The following USP9X variants were observed in gnomAD, a reference collection of about 807,000 sequenced individuals.
USP9X encodes the protein ubiquitin carboxyl-terminal hydrolase 9X.
A neutral mutation model predicts 190.3 loss-of-function variants in USP9X; 7 were observed. The observed-to-expected ratio is 0.04, with a 90% CI of 0.02 to 0.07. USP9X has a LOEUF of 0.07. Ranked by LOEUF, USP9X falls within the 10% of genes least tolerant of loss-of-function variation. The probability of loss-of-function intolerance (pLI) is 1.00; values close to 1 mark genes in which losing one functional copy is unlikely to be tolerated. For synonymous variants in USP9X, 645 were observed against 659.5 expected (o/e 0.98, Z 0.34); for missense variants, 1,010 against 1,916.9 (o/e 0.53, Z 8.83).
rs1050486848 is a variant in USP9X, at chrX:41,195,766, G to A, written c.3978-485G>A. 4 of 259,495 alleles carry A rather than the reference G, an allele frequency of 1.5e-5. No homozygotes were observed. The Admixed American group carries it at 2.0e-4, about 13-fold the overall frequency. The allele number at this position is 259,495 out of a possible 1,213,427, so 21.4% of individuals were successfully genotyped here. ...CACCGCTGATCTGACAGGAGGCGGA[G>A]CTCAGGCCATAATGCTCATTTGGCC... On this transcript the variant is annotated intron_variant, in intron 26 of 44. Coordinates refer to ENST00000378308, the MANE Select transcript of USP9X (RefSeq NM_001039591.3).
In USP9X at chrX:41,216,141, A is replaced by G; in HGVS notation, c.5574A>G (p.Ala1858=). The change falls in exon 35 of 45, where the codon GCA becomes GCG. Residue 1858 remains alanine, a synonymous_variant. Transcript: ENST00000378308. ...GTGAGCAGTCTGAAAGTGAGACAGCAGGAAGCACAAAATACAGACTTGTGG... is the reference window on the plus strand; with the variant it reads ...GTGAGCAGTCTGAAAGTGAGACAGCGGGAAGCACAAAATACAGACTTGTGG... ...QQSEQSESET[A]GSTKYRLVGV... The G allele has an allele frequency of 8.3e-7, 1 of 1,211,911 alleles. No homozygotes were observed. Among genetic ancestry groups the G allele is most frequent in the East Asian group, 3.0e-5 (1 of 33,879 alleles).
rs1223970926 is a variant in USP9X at position 41,136,457 on chromosome X, C to G, written c.436-347C>G. Among the ~76,000 whole-genome samples, 3 of 112,708 alleles carry G rather than the reference C, an allele frequency of 2.7e-5. No homozygotes were observed. In the South Asian group the frequency reaches 1.1e-3, roughly 41 times the overall value. ...ATTAACAGGCGTGAGCCACTGTGCT[C>G]AGCCTGACATACTGTTTAGACTCTA... On this transcript the variant is annotated intron_variant, in intron 5 of 44. Transcript: ENST00000378308.
At position 41,223,506 on chromosome X, in the gene USP9X, C is replaced by T. The variant is rs1021591528; in HGVS notation, c.6751+104C>T. 58 of 865,205 alleles carry T rather than the reference C, an allele frequency of 6.7e-5. No individual in the cohort carries two copies. The Admixed American group carries it at 8.1e-4, about 12-fold the overall frequency. The allele number at this position is 865,205 out of a possible 1,213,427, so 71.3% of individuals were successfully genotyped here. A position where few individuals can be genotyped will look rare whatever the true frequency, so the allele number is the denominator to read the frequency against. On this transcript the variant is annotated intron_variant, in intron 39 of 44. Transcript: ENST00000378308. ...AGGCTGGAGTGCAATGGCGTGATCT[C>T]GGCTCACTGTAACCTCCGCCTCCCT...
At chrX:41,192,159 A>C (rs917642025) in intron 26 of USP9X, among the ~76,000 whole-genome samples, 1 of 112,251 alleles carries the variant, frequency 8.9e-6, no homozygotes, top group Admixed American at 9.5e-5. Flanking sequence ...TTTCCTGCTT[A>C]AAATCTTTCC....
intron 1 of USP9X, among the ~76,000 whole-genome samples, chrX:41,099,690 A>G (rs1302490158): frequency 1.8e-5 from 2 of 111,938 alleles, no homozygotes; most frequent in Non-Finnish European, 3.8e-5. Flanking sequence ...ATTTTCTGAA[A>G]TGAGGCTTTT....
At chrX:41,117,579 C>T (rs374913483) in intron 1 of USP9X, among the ~76,000 whole-genome samples, 153 of 75,988 alleles carry the variant, frequency 2.0e-3, no homozygotes, top group East Asian at 3.2e-3. Flanking sequence ...TTTTCTTCTT[C>T]TTTTTTTTTT....
At chrX:41,095,934 T>C (rs1250452573) in intron 1 of USP9X, among the ~76,000 whole-genome samples, 3 of 111,750 alleles carry the variant, frequency 2.7e-5, no homozygotes, top group Non-Finnish European at 5.7e-5. Context: ...AATGGGGTGC[T>C]CCCATGGTAT....
chrX:41,105,632 C>G (rs1417263216), intron 1 of USP9X, among the ~76,000 whole-genome samples: 1 of 111,714 alleles, frequency 9.0e-6, no homozygotes, highest in African/African-American at 3.3e-5. Flanking sequence ...TGTTCAAGTC[C>G]CTTTCAGTTC....
intron 1 of USP9X, among the ~76,000 whole-genome samples, chrX:41,101,211 T>TTTTGAGTATTAGCCCTTCCGGTGTTAA (rs2062031464): frequency 9.0e-6 from 1 of 111,082 alleles, no homozygotes; most frequent in Non-Finnish European, 1.9e-5. Context: ...GATTTTTCTG[T>TTTTGAGTATTAGCCCTTCCGGTGTTAA]TTTGAGTATT....
chrX:41,094,553 G>A (rs1303072193), intron 1 of USP9X, among the ~76,000 whole-genome samples: 1 of 110,961 alleles, frequency 9.0e-6, no homozygotes, highest in Non-Finnish European at 1.9e-5. Flanking sequence ...GTTATCCTCG[G>A]TGCATTATGG....
intron 32 of USP9X, among the ~76,000 whole-genome samples, chrX:41,207,664 G>C (rs1475107981): frequency 9.0e-6 from 1 of 111,369 alleles, no homozygotes; most frequent in Admixed American, 9.6e-5. Context: ...GGTTTGTTTT[G>C]TTTTGTAAGT....
In USP9X at chrX:41,216,613, C is replaced by T. The variant is rs777852117; in HGVS notation, c.6046C>T (p.Leu2016=). The T allele has an allele frequency of 8.3e-7, 1 of 1,210,939 alleles. No individual in the cohort carries two copies. Among genetic ancestry groups the T allele is most frequent in the South Asian group, 1.8e-5 (1 of 56,897 alleles). ...GGAGTATTTTCAGTTTATGAAAAAA[C>T]TGCTTACATGTAATGGCGTTTACTT... is the stretch of plus-strand genomic sequence containing the variant. ...SMEYFQFMKK[L]LTCNGVYLNP... Residue 2016 remains leucine (L), a synonymous_variant, in exon 35 of 45, where the codon CTG becomes TTG. Transcript: ENST00000378308.
In USP9X at chrX:41,167,961, AT is replaced by A. The variant is rs1399016851; in HGVS notation, c.2425-42del. The A allele has an allele frequency of 1.6e-5, 18 of 1,122,465 alleles. No individual in the cohort carries two copies. In the South Asian group the frequency reaches 4.0e-4, roughly 25 times the overall value. The allele number at this position is 1,122,465 out of a possible 1,213,427, so 92.5% of individuals were successfully genotyped here. On this transcript the variant is annotated intron_variant, in intron 17 of 44. Coordinates refer to ENST00000378308, the MANE Select transcript of USP9X (RefSeq NM_001039591.3). Reference sequence around the variant, plus strand: ...AATTGGATTAATATTTGGTTTTTACATTTTAAAGCAATTTTAACTGTGTTTA... The same window carrying A: ...AATTGGATTAATATTTGGTTTTTACATTTAAAGCAATTTTAACTGTGTTTA...
chrX:41,210,750 A>G (rs2063149937), intron 33 of USP9X, 68 bp downstream of exon 33: 1 of 1,008,020 alleles, frequency 9.9e-7, no homozygotes. Flanking sequence ...TAAAATTTTT[A>G]CTAGTACTTA....
chrX:41,142,663 A>G (rs1027156127), intron 9 of USP9X, among the ~76,000 whole-genome samples: 1 of 111,769 alleles, frequency 8.9e-6, no homozygotes, highest in Non-Finnish European at 1.9e-5. Flanking sequence ...TGTTTGTATC[A>G]TGAGTTAGCA....
At chrX:41,198,489 T>C in intron 29 of USP9X, 39 bp from the exon 30 acceptor site, 1 of 1,036,621 alleles carries the variant, frequency 9.6e-7, no homozygotes, top group South Asian at 2.2e-5. Context: ...TAAAAATATA[T>C]AGCATTGCTA....
chrX:41,198,245 T>C (rs948496011), intron 29 of USP9X, among the ~76,000 whole-genome samples: 2 of 112,070 alleles, frequency 1.8e-5, no homozygotes, highest in Non-Finnish European at 3.8e-5. Flanking sequence ...TGCTATACAC[T>C]TGATTAAAGG....
intron 43 of USP9X, 68 bp downstream of exon 43, chrX:41,229,847 G>A: frequency 8.4e-7 from 1 of 1,196,021 alleles, no homozygotes; most frequent in East Asian, 3.0e-5. Context: ...TATTTTATAG[G>A]CCAGTGTTTA....
chrX:41,226,572 C>T (rs916041330), intron 41 of USP9X, among the ~76,000 whole-genome samples: 10 of 111,854 alleles, frequency 8.9e-5, no homozygotes, highest in African/African-American at 3.2e-4. Flanking sequence ...GTGGGGATTG[C>T]GAAAGCCAGA....
Sources: gnomAD v4.1 joint callset for allele counts (sites outside exome capture counted in the v4.1 genomes callset) on GRCh38, gnomAD v4.1.1 for gene constraint, MANE v1.5 for transcripts, NCBI Gene and HGNC (gene_info 2026-07-23, HGNC 2026-07-21) for gene names.